The following FSIP2 variants were observed in gnomAD, a reference collection of about 807,000 sequenced individuals.
FSIP2 encodes the protein fibrous sheath-interacting protein 2.
In FSIP2, 367 loss-of-function variants were observed where a neutral mutation model predicts 510.5. That is an observed-to-expected ratio of 0.72 (90% CI 0.66 to 0.78). FSIP2 has a LOEUF of 0.78. Among genes scored for constraint, FSIP2 ranks in the 30% least tolerant of loss-of-function variants. FSIP2 has a pLI of 0.00. For missense variants in FSIP2, 7,594 were observed against 7,901.7 expected, an observed-to-expected ratio of 0.96 and a Z score of 1.48; for synonymous variants, 2,601 against 2,732.2, an observed-to-expected ratio of 0.95 and a Z score of 1.50.
rs1459917667 is a variant in FSIP2, at chr2:185,801,543, A to T, written c.12237A>T (p.Ile4079=). ...ACAATGCCTCAATAGCAGAACAAATAACAAATGGCATATTGTTAGAGATTT... is the reference window on the plus strand; with the variant it reads ...ACAATGCCTCAATAGCAGAACAAATTACAAATGGCATATTGTTAGAGATTT... ...VYDNASIAEQ[I]TNGILLEILD... Residue 4079 remains isoleucine, a synonymous_variant, in exon 17 of 23, where the codon ATA becomes ATT. Coordinates refer to ENST00000424728, the MANE Select transcript of FSIP2 (RefSeq NM_173651.4). 1 of 1,534,248 alleles carries T rather than the reference A, an allele frequency of 6.5e-7. No homozygotes were observed. The highest frequency in any genetic ancestry group is 8.7e-7 in the Non-Finnish European group (1 of 1,145,636).
At chr2:185,782,285 G>A (rs944626074) in intron 13 of FSIP2, among the ~76,000 whole-genome samples, 8 of 109,476 alleles carry the variant, frequency 7.3e-5, no homozygotes, top group African/African-American at 1.9e-4. Context: ...GCACTGGGAA[G>A]GGTATTTATT....
chr2:185,814,962 G>A (rs186249685), intron 18 of FSIP2, among the ~76,000 whole-genome samples: 119 of 152,086 alleles, frequency 7.8e-4, no homozygotes, highest in Non-Finnish European at 1.4e-3. Context: ...GCACACATGA[G>A]TTTGCAACAA....
Position 185,797,385 on chromosome 2 carries a change from G to A in FSIP2, c.10249G>A (p.Glu3417Lys). The change falls in exon 16 of 23, where the codon GAG becomes AAG. Residue 3417 changes from glutamate to lysine, a missense_variant. Transcript: ENST00000424728. ...SSFLQKLKKK[E>K]YPKIETVKEV... ...TTTTTTGCAAAAATTGAAAAAAAAG[G>A]AGTACCCAAAGATAGAGACTGTGAA... 4.6e-6 allele frequency: 7 copies of A among 1,529,250 alleles called. No individual in the cohort carries two copies. Among genetic ancestry groups the A allele is most frequent in the Non-Finnish European group, 6.1e-6 (7 of 1,144,866 alleles). 94.7% of individuals were successfully genotyped at this position (1,529,250 alleles called of 1,614,324 possible).
Position 185,806,054 on chromosome 2 carries a change from AC to A in FSIP2, c.16749del (p.Tyr5583Ter). The A allele has an allele frequency of 5.2e-6, 8 of 1,549,278 alleles. No homozygotes were observed. Among genetic ancestry groups the A allele is most frequent in the Non-Finnish European group, 6.1e-6 (7 of 1,140,092 alleles). Reference protein sequence around the residue: ...TDKKGKDDEIYTHFSLIIDDT... With the variant: ...TDKKGKDDEIXTHFSLIIDDT... ...AAAAAAGGGAAAGATGATGAGATAT[AC>A]ACACATTTTTCATTAATAATTGATG... On this transcript the variant is annotated frameshift_variant, in exon 17 of 23. Transcript: ENST00000424728. LOFTEE classifies it high-confidence loss of function.
chr2:185,764,108 A>G (rs1409923443), intron 12 of FSIP2, among the ~76,000 whole-genome samples: 1 of 151,676 alleles, frequency 6.6e-6, no homozygotes, highest in Non-Finnish European at 1.5e-5. Flanking sequence ...ATTCCTTTAA[A>G]AACAGTGTCT....
Position 185,807,795 on chromosome 2 carries a change from GCC to G in FSIP2, c.18492_18493del (p.Leu6165ThrfsTer2). 1.9e-6 allele frequency: 3 copies of G among 1,612,596 alleles called. No individual in the cohort carries two copies. The highest frequency in any genetic ancestry group is 2.5e-6 in the Non-Finnish European group (3 of 1,179,210). On this transcript the variant is annotated frameshift_variant, in exon 17 of 23. Coordinates refer to ENST00000424728, the MANE Select transcript of FSIP2 (RefSeq NM_173651.4). LOFTEE classifies it high-confidence loss of function. ...AAGATGTTTTCCAAACTACTGATGT[GCC>G]CCTACCTAAACCTTCACATGCTGAT... ...LKDVFQTTDV[P>X]LPKPSHADKL...
chr2:185,809,479 T>G (rs188696673), intron 17 of FSIP2, among the ~76,000 whole-genome samples: 68 of 152,208 alleles, frequency 4.5e-4, no homozygotes, highest in Non-Finnish European at 2.1e-4. Context: ...CAAACTTGTA[T>G]AGTTCCTTAG....
In FSIP2 at chr2:185,804,465, T is replaced by C. The variant is rs202201384; in HGVS notation, c.15159T>C (p.Phe5053=). The part of the protein sequence containing the change: ...HRVIQSDTIC[F]GRKIYYLLLE... ...TTATACAAAGTGACACAATATGTTT[T>C]GGTAGGAAAATATATTATTTGCTAT... Residue 5053 remains phenylalanine (F), a synonymous_variant, in exon 17 of 23, where the codon TTT becomes TTC. Coordinates refer to ENST00000424728, the MANE Select transcript of FSIP2 (RefSeq NM_173651.4). 6.6e-7 allele frequency: 1 copy of C among 1,518,100 alleles called. No homozygotes were observed. Among genetic ancestry groups the C allele is most frequent in the Non-Finnish European group, 8.8e-7 (1 of 1,136,448 alleles). The allele number at this position is 1,518,100 out of a possible 1,614,324, so 94.0% of individuals were successfully genotyped here.
intron 21 of FSIP2, among the ~76,000 whole-genome samples, chr2:185,828,760 C>T (rs1434238239): frequency 2.0e-5 from 3 of 151,766 alleles, no homozygotes; most frequent in East Asian, 3.9e-4. Flanking sequence ...ATAAAGTTTC[C>T]AATGAGAAAT....
rs943104324 is a variant in FSIP2, at chr2:185,790,168, T to C, written c.3032T>C (p.Ile1011Thr). ...GATGAAAATGAGGAAATAGACAATA[T>C]TGTAAAAAATGTGCTTGATTCAACT... ...SDDENEEIDNIVKNVLDSTFK... is the reference protein window; with the variant it reads ...SDDENEEIDNTVKNVLDSTFK... Residue 1011 changes from isoleucine (I) to threonine (T), a missense_variant, in exon 16 of 23, where the codon ATT (isoleucine) becomes ACT (threonine). By Grantham distance (89) the Ile-to-Thr change is moderately conservative. Coordinates refer to ENST00000424728, the MANE Select transcript of FSIP2 (RefSeq NM_173651.4). The C allele has an allele frequency of 1.3e-6, 2 of 1,532,198 alleles. No individual in the cohort carries two copies. The highest frequency in any genetic ancestry group is 2.7e-5 in the African/African-American group (2 of 72,894). The allele number at this position is 1,532,198 out of a possible 1,614,324, so 94.9% of individuals were successfully genotyped here. A position where few individuals can be genotyped will look rare whatever the true frequency, so the allele number is the denominator to read the frequency against.
intron 13 of FSIP2, chr2:185,764,938 C>G (rs1692433163): frequency 6.2e-6 from 1 of 160,840 alleles, no homozygotes; most frequent in East Asian, 1.8e-4. Context: ...ATGTTGACAA[C>G]CAAAATTTGC....
At chr2:185,761,153 C>G (rs10170781) in intron 10 of FSIP2, 50 bp downstream of exon 10, 79,387 of 714,032 alleles carry the variant, frequency 0.11, 4,828 homozygotes, top group African/African-American at 0.14. Context: ...AATTTATCTA[C>G]TTAACTTTTA....
Position 185,824,482 on chromosome 2 carries a change from T to A in FSIP2, c.20473+2T>A. The A allele has an allele frequency of 6.4e-7, 1 of 1,553,000 alleles. No homozygotes were observed. Among genetic ancestry groups the A allele is most frequent in the Non-Finnish European group, 8.8e-7 (1 of 1,135,780 alleles). ...ACCCAAGTGCTAAAATATTAGAAGG[T>A]TGGACTCCTTTTTCTTAAATTAGAG... On this transcript the variant is annotated splice_donor_variant, in intron 20 of 22. Coordinates refer to ENST00000424728, the MANE Select transcript of FSIP2 (RefSeq NM_173651.4). LOFTEE classifies it high-confidence loss of function.
intron 13 of FSIP2, among the ~76,000 whole-genome samples, chr2:185,768,881 A>G (rs963251991): frequency 2.8e-4 from 43 of 151,954 alleles, no homozygotes; most frequent in African/African-American, 1.0e-3. Context: ...GAACATGCGG[A>G]TTTGGTTTTC....
intron 8 of FSIP2, among the ~76,000 whole-genome samples, chr2:185,755,049 T>G (rs1235074604): frequency 6.6e-6 from 1 of 151,534 alleles, no homozygotes; most frequent in South Asian, 2.1e-4. Context: ...CAATTTAGAA[T>G]GACCTGATTA....
Position 185,795,928 on chromosome 2 carries a change from GCTTT to G in FSIP2, c.8795_8798del (p.Phe2932CysfsTer61). The stretch of plus-strand genomic sequence containing the variant: ...ATGCTACTTGAAAAACTACAGCTAT[GCTTT>G]CTGTCCCAAATTCCCACTCCAGATA... On this transcript the variant is annotated frameshift_variant, in exon 16 of 23. Transcript: ENST00000424728. LOFTEE classifies it high-confidence loss of function. 6.5e-7 allele frequency: 1 copy of G among 1,534,378 alleles called. No individual in the cohort carries two copies. Among genetic ancestry groups the G allele is most frequent in the East Asian group, 2.5e-5 (1 of 40,812 alleles).
chr2:185,758,459 T>C (rs1178809400), intron 9 of FSIP2, among the ~76,000 whole-genome samples: 2 of 151,394 alleles, frequency 1.3e-5, no homozygotes, highest in African/African-American at 2.4e-5. Context: ...ATATGTATTA[T>C]ATACTATAAT....
Position 185,739,362 on chromosome 2 carries a change from A to T in FSIP2, c.116A>T (p.His39Leu), listed in dbSNP as rs1050869140. 4 of 1,531,192 alleles carry T rather than the reference A, an allele frequency of 2.6e-6. 1 individual carries two copies. Among genetic ancestry groups the T allele is most frequent in the South Asian group, 2.4e-5 (2 of 83,358 alleles). 94.9% of individuals were successfully genotyped at this position (1,531,192 alleles called of 1,614,324 possible). ...GTCTGACAGGGCGTGCACAAAACCC[A>T]CTTTGCAGGGGTTGGACCGGCTCAG... ...QQCRDGVHKT[H>L]FAGVGPAQLL... Residue 39 changes from histidine (H) to leucine (L), a missense_variant, in exon 2 of 23, where the codon CAC (histidine) becomes CTC (leucine). Physicochemically the swap from His to Leu is moderately conservative, Grantham distance 99. Transcript: ENST00000424728.
At chr2:185,741,707 G>A (rs6759616) in intron 2 of FSIP2, among the ~76,000 whole-genome samples, 82,714 of 151,892 alleles carry the variant, frequency 0.54, 22,776 homozygotes, top group South Asian at 0.64. Flanking sequence ...AGGGAATCTA[G>A]CTTTCTGATT....
Sources: allele counts gnomAD v4.1 joint callset (sites outside exome capture counted in the v4.1 genomes callset), GRCh38; gene constraint gnomAD v4.1.1; transcripts MANE v1.5; gene names NCBI Gene and HGNC (gene_info 2026-07-23, HGNC 2026-07-21).